Variants in ZSWIM6 observed in about 807,000 individuals in gnomAD.
ZSWIM6 encodes the protein zinc finger SWIM domain-containing protein 6.
In ZSWIM6, 9 loss-of-function variants were observed where a neutral mutation model predicts 113.2. The ratio of observed to expected loss-of-function variants is 0.08; its 90% CI spans 0.05 to 0.14. ZSWIM6 has a LOEUF of 0.14. ZSWIM6 is among the 10% of genes least tolerant of loss of function. ZSWIM6 has a pLI of 1.00. For synonymous variants in ZSWIM6, 611 were observed against 606.5 expected, an observed-to-expected ratio of 1.01 and a Z score of -0.11; for missense variants, 1,162 against 1,552.2, an observed-to-expected ratio of 0.75 and a Z score of 4.22.
intron 4 of ZSWIM6, among the ~76,000 whole-genome samples, chr5:61,509,313 T>G (rs1279059698): frequency 6.6e-6 from 1 of 152,194 alleles, no homozygotes; most frequent in Non-Finnish European, 1.5e-5. Context: ...TGATAACTTT[T>G]AATTTTAAGT....
chr5:61,347,143 G>T, intron 1 of ZSWIM6: 1 of 154,716 alleles, frequency 6.5e-6, no homozygotes. Flanking sequence ...GTGGCATTTT[G>T]CTGAGTGAAT....
At chr5:61,374,587 T>C (rs1229044383) in intron 1 of ZSWIM6, among the ~76,000 whole-genome samples, 1 of 152,334 alleles carries the variant, frequency 6.6e-6, no homozygotes, top group East Asian at 1.9e-4. Context: ...GGAGTCTCGC[T>C]CTGTCGCCCA....
intron 1 of ZSWIM6, among the ~76,000 whole-genome samples, chr5:61,458,449 A>G (rs1031051310): frequency 2.6e-5 from 4 of 152,216 alleles, no homozygotes; most frequent in African/African-American, 7.2e-5. Flanking sequence ...ACTCTACATA[A>G]TTTTGTGCAT....
At chr5:61,346,635 A>T (rs1744664257) in intron 1 of ZSWIM6, among the ~76,000 whole-genome samples, 1 of 152,222 alleles carries the variant, frequency 6.6e-6, no homozygotes. Context: ...GCCTTATTAA[A>T]ACCAAAGCCC....
In ZSWIM6 at chr5:61,538,798, T is replaced by C. The variant is rs1749648532; in HGVS notation, c.2382-16T>C. ...AGAAATAACTAGGGGCCACCTTCCT[T>C]GTCTTCTCATTATAGGTTACTAGTA... On this transcript the variant is annotated splice_polypyrimidine_tract_variant and intron_variant, in intron 10 of 13. Coordinates refer to ENST00000252744, the MANE Select transcript of ZSWIM6 (RefSeq NM_020928.2). 1.3e-6 allele frequency: 2 copies of C among 1,542,924 alleles called. No individual in the cohort carries two copies. Among genetic ancestry groups the C allele is most frequent in the Non-Finnish European group, 1.8e-6 (2 of 1,142,042 alleles).
At chr5:61,353,278 T>C (rs1242088797) in intron 1 of ZSWIM6, among the ~76,000 whole-genome samples, 1 of 152,194 alleles carries the variant, frequency 6.6e-6, no homozygotes, top group African/African-American at 2.4e-5. Flanking sequence ...TTGACCACCT[T>C]TTGGGTAGTA....
chr5:61,453,404 C>A (rs776674492), intron 1 of ZSWIM6, among the ~76,000 whole-genome samples: 7 of 139,350 alleles, frequency 5.0e-5, no homozygotes, highest in Non-Finnish European at 1.1e-4. Flanking sequence ...GTGCCAGGGT[C>A]TTACTCTGTC....
At chr5:61,462,812 T>G (rs1747347423) in intron 1 of ZSWIM6, among the ~76,000 whole-genome samples, 1 of 152,198 alleles carries the variant, frequency 6.6e-6, no homozygotes, top group Non-Finnish European at 1.5e-5. Flanking sequence ...TTTTTATAGA[T>G]GAAAACATCA....
At position 61,539,592 on chromosome 5, in the gene ZSWIM6, G is replaced by A; in HGVS notation, c.2540-4G>A. 5.2e-6 allele frequency: 8 copies of A among 1,548,592 alleles called. No individual in the cohort carries two copies. In the South Asian group the frequency reaches 9.6e-5, roughly 19 times the overall value. On this transcript the variant is annotated splice_polypyrimidine_tract_variant and splice_region_variant and intron_variant, in intron 11 of 13. Transcript: ENST00000252744. ...TTGGTTTGGTTTTCCCTTGTTCATT[G>A]CAGGCGATGTTCGGAGGCTGGAAAC...
chr5:61,490,561 A>G (rs150092231), intron 2 of ZSWIM6, among the ~76,000 whole-genome samples: 117 of 152,194 alleles, frequency 7.7e-4, no homozygotes, highest in Non-Finnish European at 1.6e-3. Flanking sequence ...CTCTGAACCT[A>G]AAAAATAGAA....
At chr5:61,386,985 T>C (rs1045670162) in intron 1 of ZSWIM6, among the ~76,000 whole-genome samples, 3 of 152,228 alleles carry the variant, frequency 2.0e-5, no homozygotes, top group Admixed American at 1.3e-4. Flanking sequence ...AAGACTCTTT[T>C]CAAGGGAGCC....
chr5:61,532,106 CAG>C (rs372814262), intron 9 of ZSWIM6, among the ~76,000 whole-genome samples: 3 of 152,168 alleles, frequency 2.0e-5, no homozygotes, highest in Admixed American at 6.5e-5. Flanking sequence ...AATAATAAAA[CAG>C]TAATTGGCTG....
chr5:61,533,132 T>C (rs1314098282), intron 9 of ZSWIM6, among the ~76,000 whole-genome samples: 3 of 152,228 alleles, frequency 2.0e-5, no homozygotes, highest in South Asian at 4.1e-4. Context: ...TTATGAGTAC[T>C]GTGCCTGAGA....
chr5:61,536,385 C>G (rs1368839061), intron 10 of ZSWIM6, among the ~76,000 whole-genome samples: 1 of 152,028 alleles, frequency 6.6e-6, no homozygotes, highest in African/African-American at 2.4e-5. Flanking sequence ...TTTTAAGGAC[C>G]TAAAAGGTAC....
In ZSWIM6 at chr5:61,525,790, G is replaced by GA. The variant is rs1448789026; in HGVS notation, c.1514-4dup. ...AGCTGACACGGCTTTCTGAATTGTG[G>GA]AAAAAACAGATTCATCGAACAGGCC... On this transcript the variant is annotated splice_polypyrimidine_tract_variant and intron_variant, in intron 5 of 13. Transcript: ENST00000252744. 2 of 1,551,144 alleles carry GA rather than the reference G, an allele frequency of 1.3e-6. No homozygotes were observed. Among genetic ancestry groups the GA allele is most frequent in the African/African-American group, 2.7e-5 (2 of 72,976 alleles).
At chr5:61,445,979 A>C (rs2112152248) in intron 1 of ZSWIM6, among the ~76,000 whole-genome samples, 1 of 152,346 alleles carries the variant, frequency 6.6e-6, no homozygotes, top group African/African-American at 2.4e-5. Context: ...ATGACCAGTA[A>C]GTACTTTAGT....
At chr5:61,365,774 A>G (rs1745136794) in intron 1 of ZSWIM6, among the ~76,000 whole-genome samples, 1 of 152,220 alleles carries the variant, frequency 6.6e-6, no homozygotes, top group Non-Finnish European at 1.5e-5. Flanking sequence ...AAATAGCATT[A>G]GGTTGGCATA....
At chr5:61,488,692 T>G (rs538366997) in intron 2 of ZSWIM6, among the ~76,000 whole-genome samples, 2 of 152,110 alleles carry the variant, frequency 1.3e-5, no homozygotes, top group East Asian at 3.9e-4. Flanking sequence ...ATTTGGATCT[T>G]CTCTCTCCTT....
chr5:61,350,438 C>G (rs1356626797), intron 1 of ZSWIM6, among the ~76,000 whole-genome samples: 1 of 152,084 alleles, frequency 6.6e-6, no homozygotes, highest in African/African-American at 2.4e-5. Flanking sequence ...CGTCAGTGGG[C>G]TCTCCTCAAT....
Sources: gnomAD v4.1 joint callset for allele counts (sites outside exome capture counted in the v4.1 genomes callset) on GRCh38, gnomAD v4.1.1 for gene constraint, MANE v1.5 for transcripts, NCBI Gene and HGNC (gene_info 2026-07-23, HGNC 2026-07-21) for gene names.